Variants in STK26 observed in about 807,000 individuals in gnomAD.
STK26 encodes the protein serine/threonine-protein kinase 26.
A neutral mutation model predicts 34.7 loss-of-function variants in STK26; 14 were observed. The observed-to-expected ratio is 0.40, with a 90% CI of 0.27 to 0.63. The LOEUF (loss-of-function observed/expected upper bound fraction) is 0.63, where lower values mean the gene tolerates loss of function less well. Ranked by LOEUF, STK26 falls within the 30% of genes least tolerant of loss-of-function variation. The pLI, the probability that STK26 is intolerant of heterozygous loss-of-function variation, is 0.38. For synonymous variants in STK26, 100 were observed against 109.8 expected, an observed-to-expected ratio of 0.91 and a Z score of 0.56; for missense variants, 226 against 309.1, an observed-to-expected ratio of 0.73 and a Z score of 2.02.
intron 2 of STK26, among the ~76,000 whole-genome samples, chrX:132,025,082 A>T (rs908872938): frequency 9.0e-6 from 1 of 110,582 alleles, no homozygotes; most frequent in Admixed American, 9.6e-5. Context: ...ACCCTGCCCC[A>T]CACCCCATTC....
intron 9 of STK26, 36 bp from the exon 10 acceptor site, chrX:132,072,777 A>C (rs746660080): frequency 1.7e-6 from 2 of 1,161,037 alleles, no homozygotes; most frequent in Non-Finnish European, 1.2e-6. Context: ...CACTTATTTT[A>C]ATTTCATGTG....
Position 132,053,900 on chromosome X carries a change from A to G in STK26, c.43-731A>G, listed in dbSNP as rs185840358. ...ATTTATAAATCTACGTCATGCCTAT[A>G]CATTTGTTAACCTTGAAAGCCTATG... On this transcript the variant is annotated intron_variant, in intron 2 of 11. Transcript: ENST00000394334. 8.2e-3 allele frequency among the ~76,000 whole-genome samples: 923 copies of G among 112,384 alleles called. 8 individuals are homozygous for G. Among genetic ancestry groups the G allele is most frequent in the African/African-American group, 0.028 (874 of 30,992 alleles).
chrX:132,032,889 AT>A (rs1315778632), intron 2 of STK26, among the ~76,000 whole-genome samples: 1 of 111,294 alleles, frequency 9.0e-6, no homozygotes, highest in African/African-American at 3.3e-5. Flanking sequence ...CTAGGAGTGA[AT>A]TTTTGGCAGG....
intron 2 of STK26, among the ~76,000 whole-genome samples, chrX:132,035,904 C>T (rs1227801642): frequency 9.3e-6 from 1 of 107,413 alleles, no homozygotes; most frequent in Non-Finnish European, 1.9e-5. Flanking sequence ...GTTTCAAAGC[C>T]AATTTGTATT....
chrX:132,034,292 CTTTTTTTTTTTTTTTTT>C (rs561602079), intron 2 of STK26, among the ~76,000 whole-genome samples: 12 of 41,379 alleles, frequency 2.9e-4, no homozygotes, highest in Non-Finnish European at 4.2e-4. Flanking sequence ...GACATTTATT[CTTTTTTTTTTTTTTTTT>C]TTTTTTTTTT....
At chrX:132,024,252 G>T (rs1351180080) in intron 2 of STK26, among the ~76,000 whole-genome samples, 1 of 111,255 alleles carries the variant, frequency 9.0e-6, no homozygotes, top group Non-Finnish European at 1.9e-5. Flanking sequence ...GAGAAATGCT[G>T]GTTCTGTTCA....
At chrX:132,032,570 C>G (rs1925883048) in intron 2 of STK26, among the ~76,000 whole-genome samples, 2 of 111,562 alleles carry the variant, frequency 1.8e-5, no homozygotes, top group Non-Finnish European at 3.8e-5. Context: ...TCTATTACCT[C>G]TTAAAGAAAA....
chrX:132,072,368 A>T lies in STK26; in HGVS notation c.1026+7A>T. ...GAAAGTACAGAATGGGGCAGTATGT[A>T]TATGGAGACAATTACTTACTCTTCA... On this transcript the variant is annotated splice_region_variant and intron_variant, in intron 9 of 11. Transcript: ENST00000394334. 8.6e-7 allele frequency: 1 copy of T among 1,165,843 alleles called. No homozygotes were observed. The highest frequency in any genetic ancestry group is 1.2e-6 in the Non-Finnish European group (1 of 855,336).
chrX:132,073,671 T>C (rs1602783506), intron 11 of STK26, among the ~76,000 whole-genome samples: 1 of 112,479 alleles, frequency 8.9e-6, no homozygotes, highest in East Asian at 2.8e-4. Context: ...GACTTTTGTA[T>C]GCATGCACAC....
intron 2 of STK26, among the ~76,000 whole-genome samples, chrX:132,045,999 TG>T (rs1297734266): frequency 6.2e-5 from 7 of 112,120 alleles, no homozygotes; most frequent in African/African-American, 2.3e-4. Flanking sequence ...CTTTGGTTCT[TG>T]CTTGAGGATT....
intron 2 of STK26, among the ~76,000 whole-genome samples, chrX:132,032,005 A>T (rs1925857478): frequency 9.0e-6 from 1 of 110,903 alleles, no homozygotes; most frequent in African/African-American, 3.3e-5. Flanking sequence ...GAAACCAGAA[A>T]ACCTATATAT....
Position 132,063,834 on chromosome X carries a change from T to G in STK26, c.330+345T>G, listed in dbSNP as rs139342571. Among the ~76,000 whole-genome samples, 327 of 112,138 alleles carry G rather than the reference T, an allele frequency of 2.9e-3. 1 individual carries two copies. The highest frequency in any genetic ancestry group is 4.7e-3 in the Non-Finnish European group (251 of 53,181). ...AGTTTTCTTAGATTTTTAAAAAATA[T>G]GTAATTGAGATAACTGTCACTAAAA... On this transcript the variant is annotated intron_variant, in intron 4 of 11. Coordinates refer to ENST00000394334, the MANE Select transcript of STK26 (RefSeq NM_016542.4).
rs900813445 is a variant in STK26 at position 132,074,367 on chromosome X, A to G, written c.*208A>G. Reference sequence around the variant, plus strand: ...TATTTTGTAAGGAATAACTTTTAATACTATAGTTTCACCTGTATTCTAGTA... The same window carrying G: ...TATTTTGTAAGGAATAACTTTTAATGCTATAGTTTCACCTGTATTCTAGTA... On this transcript the variant is annotated 3_prime_UTR_variant, in exon 12 of 12. Transcript: ENST00000394334. The G allele has an allele frequency of 2.5e-5, 9 of 353,909 alleles. No homozygotes were observed. The highest frequency in any genetic ancestry group is 4.4e-5 in the Non-Finnish European group (9 of 204,252). The allele number at this position is 353,909 out of a possible 1,213,427, so 29.2% of individuals were successfully genotyped here.
intron 3 of STK26, among the ~76,000 whole-genome samples, chrX:132,058,954 G>A (rs1188991147): frequency 1.8e-5 from 2 of 110,960 alleles, no homozygotes; most frequent in African/African-American, 6.5e-5. Flanking sequence ...TACACACAGA[G>A]AAAGAAATAT....
intron 2 of STK26, among the ~76,000 whole-genome samples, chrX:132,035,142 G>C (rs1925996893): frequency 9.0e-6 from 1 of 111,357 alleles, no homozygotes; most frequent in African/African-American, 3.3e-5. Context: ...GTTTGTTGAA[G>C]AGAGGAGATG....
intron 2 of STK26, among the ~76,000 whole-genome samples, chrX:132,036,411 A>G (rs1602746936): frequency 8.9e-6 from 1 of 111,782 alleles, no homozygotes; most frequent in East Asian, 2.8e-4. Flanking sequence ...TCTGGCCAAC[A>G]TGGTAAAACC....
At chrX:132,037,672 G>C (rs1443952145) in intron 2 of STK26, among the ~76,000 whole-genome samples, 1 of 107,171 alleles carries the variant, frequency 9.3e-6, no homozygotes, top group Non-Finnish European at 1.9e-5. Context: ...GTTGTTATAA[G>C]TACTTAACAC....
chrX:132,067,056 G>A, intron 4 of STK26, among the ~76,000 whole-genome samples: 1 of 111,810 alleles, frequency 8.9e-6, no homozygotes, highest in East Asian at 2.8e-4. Context: ...GAAGTTGATA[G>A]ATTTGAAAGT....
intron 7 of STK26, 144 bp from the exon 8 acceptor site, chrX:132,070,925 C>A: frequency 1.8e-6 from 1 of 566,283 alleles, no homozygotes; most frequent in Non-Finnish European, 2.6e-6. Context: ...TAGCTATTTT[C>A]CTACAGCATT....
Sources: allele counts gnomAD v4.1 joint callset (sites outside exome capture counted in the v4.1 genomes callset), GRCh38; gene constraint gnomAD v4.1.1; transcripts MANE v1.5; gene names NCBI Gene and HGNC (gene_info 2026-07-23, HGNC 2026-07-21).